The following NLGN4X variants were observed in gnomAD, a reference collection of about 807,000 sequenced individuals.
NLGN4X encodes the protein neuroligin-4, X-linked.
Under a neutral mutation model 40.3 loss-of-function variants are expected in NLGN4X, and 3 were observed. The ratio of observed to expected loss-of-function variants is 0.07; its 90% CI spans 0.03 to 0.19. The LOEUF is 0.19. NLGN4X is among the 10% of genes least tolerant of loss of function. NLGN4X has a pLI of 1.00. For missense variants in NLGN4X, 382 were observed against 708.3 expected (o/e 0.54, Z 5.23); for synonymous variants, 270 against 306.8 (o/e 0.88, Z 1.25).
intron 2 of NLGN4X, among the ~76,000 whole-genome samples, chrX:6,146,795 G>A (rs754607536): frequency 1.3e-4 from 14 of 110,298 alleles, no homozygotes; most frequent in Non-Finnish European, 2.6e-4. Flanking sequence ...GTGGTGCTTT[G>A]TTTTGTTTTG....
intron 3 of NLGN4X, among the ~76,000 whole-genome samples, chrX:5,978,321 T>C (rs868453549): frequency 1.3e-4 from 6 of 47,882 alleles, no homozygotes; most frequent in African/African-American, 2.5e-4. Flanking sequence ...TCTTTCTTTC[T>C]TTCTTTCTTT....
chrX:5,932,288 A>G, intron 3 of NLGN4X, among the ~76,000 whole-genome samples: 1 of 112,158 alleles, frequency 8.9e-6, no homozygotes. Flanking sequence ...TTAATCTCAT[A>G]GAAGAAACAT....
Position 5,893,597 on chromosome X carries a change from C to T in NLGN4X, c.1671G>A (p.Val557=), listed in dbSNP as rs375690491. 8.3e-7 allele frequency: 1 copy of T among 1,209,037 alleles called. No individual in the cohort carries two copies. The change falls in exon 6 of 6, where the codon GTG becomes GTA. Residue 557 remains valine (V), a synonymous_variant. Coordinates refer to ENST00000381095, the MANE Select transcript of NLGN4X (RefSeq NM_181332.3). ...CTTTGGGATTATACTTGGACCAGGC[C>T]ACTTCTTCAAAGCGGTTGGGTTTTG... The part of the protein sequence containing the change: ...IHTKPNRFEE[V]AWSKYNPKDQ...
chrX:5,904,183 G>T (rs1448360752), intron 4 of NLGN4X, among the ~76,000 whole-genome samples: 3 of 110,809 alleles, frequency 2.7e-5, no homozygotes, highest in Non-Finnish European at 5.7e-5. Context: ...ATTTAGTGTC[G>T]TTTTTGCTTC....
chrX:6,076,797 C>T (rs1416582806), intron 2 of NLGN4X, among the ~76,000 whole-genome samples: 1 of 112,331 alleles, frequency 8.9e-6, no homozygotes, highest in African/African-American at 3.2e-5. Flanking sequence ...AGACCAATTC[C>T]TTGGGTCTTT....
At chrX:6,140,457 G>GACAGAC (rs1463529496) in intron 2 of NLGN4X, among the ~76,000 whole-genome samples, 1 of 96,005 alleles carries the variant, frequency 1.0e-5, no homozygotes, top group African/African-American at 3.7e-5. Context: ...TTCACACACA[G>GACAGAC]ACACACACAC....
chrX:6,190,885 A>G (rs972031027), intron 1 of NLGN4X, among the ~76,000 whole-genome samples: 11 of 111,370 alleles, frequency 9.9e-5, no homozygotes, highest in Non-Finnish European at 1.7e-4. Context: ...CAGTGCAGCC[A>G]AGGGTGAATT....
intron 3 of NLGN4X, among the ~76,000 whole-genome samples, chrX:5,968,343 T>G (rs2034895919): frequency 1.0e-5 from 1 of 100,298 alleles, no homozygotes; most frequent in Admixed American, 1.1e-4. Context: ...TGGATGTGGC[T>G]TTGTGTATTT....
chrX:5,942,088 T>A (rs189466459), intron 3 of NLGN4X, among the ~76,000 whole-genome samples: 85 of 109,465 alleles, frequency 7.8e-4, no homozygotes, highest in South Asian at 2.8e-3. Flanking sequence ...ACATCCTGCG[T>A]CAACAAAAAA....
At chrX:6,120,645 C>CTGTA (rs990416516) in intron 2 of NLGN4X, among the ~76,000 whole-genome samples, 1 of 111,768 alleles carries the variant, frequency 8.9e-6, no homozygotes, top group African/African-American at 3.3e-5. Context: ...GAGCAAGAAC[C>CTGTA]TGTATTCAAA....
chrX:6,049,632 G>A (rs1361402281), intron 2 of NLGN4X, among the ~76,000 whole-genome samples: 3 of 104,761 alleles, frequency 2.9e-5, no homozygotes, highest in African/African-American at 1.0e-4. Flanking sequence ...TTCTCCTGCT[G>A]ATCTGTCCTT....
intron 2 of NLGN4X, among the ~76,000 whole-genome samples, chrX:6,090,731 A>G (rs941971817): frequency 9.0e-6 from 1 of 111,621 alleles, no homozygotes; most frequent in Non-Finnish European, 1.9e-5. Flanking sequence ...GTGGTTCACA[A>G]CCAGGGGTGG....
chrX:6,219,161 G>GTA (rs368475429), intron 1 of NLGN4X, among the ~76,000 whole-genome samples: 22,233 of 94,253 alleles, frequency 0.24, 3,059 homozygotes, highest in Non-Finnish European at 0.33. Flanking sequence ...GTGTGTGTGT[G>GTA]TATATATATA....
intron 1 of NLGN4X, among the ~76,000 whole-genome samples, chrX:6,156,463 C>A (rs994441381): frequency 3.6e-5 from 4 of 111,635 alleles, no homozygotes; most frequent in African/African-American, 9.8e-5. Context: ...GAGCCAAGAT[C>A]GCGCCACTGC....
rs752058757 is a variant in NLGN4X, at chrX:5,898,997, C to T, written c.1601+4080G>A. Among the ~76,000 whole-genome samples, 5 of 112,169 alleles carry T rather than the reference C, an allele frequency of 4.5e-5. No homozygotes were observed. The East Asian group carries it at 8.4e-4, about 19-fold the overall frequency. ...AACTGAAGTCCTTGTCATCCACTGA[C>T]GAATACCTAGCTCACCAGACTGTGC... On this transcript the variant is annotated intron_variant, in intron 5 of 5. Transcript: ENST00000381095.
intron 2 of NLGN4X, among the ~76,000 whole-genome samples, chrX:6,125,542 A>C (rs978538677): frequency 8.9e-6 from 1 of 111,907 alleles, no homozygotes; most frequent in Non-Finnish European, 1.9e-5. Flanking sequence ...GTTATAAAAA[A>C]TACAAAATAC....
chrX:6,041,679 G>T (rs1388145491), intron 2 of NLGN4X, among the ~76,000 whole-genome samples: 1 of 112,549 alleles, frequency 8.9e-6, no homozygotes, highest in Non-Finnish European at 1.9e-5. Flanking sequence ...CTGTTAGATT[G>T]TTAGCAACAA....
chrX:6,140,491 CA>C (rs2039926181), intron 2 of NLGN4X, among the ~76,000 whole-genome samples: 1 of 98,746 alleles, frequency 1.0e-5, no homozygotes, highest in Non-Finnish European at 2.1e-5. Context: ...CACACACACA[CA>C]CACACACCAC....
At chrX:6,114,538 ACAC>A (rs2039229171) in intron 2 of NLGN4X, among the ~76,000 whole-genome samples, 1 of 109,763 alleles carries the variant, frequency 9.1e-6, no homozygotes, top group Non-Finnish European at 1.9e-5. Context: ...ACACACACAC[ACAC>A]ACACACACAC....
Sources: allele counts gnomAD v4.1 joint callset (sites outside exome capture counted in the v4.1 genomes callset), GRCh38; gene constraint gnomAD v4.1.1; transcripts MANE v1.5; gene names NCBI Gene and HGNC (gene_info 2026-07-23, HGNC 2026-07-21).